The following CCDC77 variants were observed in gnomAD, a reference collection of about 807,000 sequenced individuals.
The protein encoded by CCDC77 is coiled-coil domain-containing protein 77.
Under a neutral mutation model 66.8 loss-of-function variants are expected in CCDC77, and 56 were observed. That is an observed-to-expected ratio of 0.84 (90% CI 0.68 to 1.05). The LOEUF (loss-of-function observed/expected upper bound fraction) is 1.05. Among genes scored for constraint, CCDC77 ranks in the 50% least tolerant of loss-of-function variants. The probability of loss-of-function intolerance (pLI) is 0.00; values close to 1 mark genes in which losing one functional copy is unlikely to be tolerated. For synonymous variants in CCDC77, 196 were observed against 195.2 expected, an observed-to-expected ratio of 1.00 and a Z score of -0.03; for missense variants, 570 against 576.8, an observed-to-expected ratio of 0.99 and a Z score of 0.12.
chr12:409,717 C>T (rs542068890), intron 3 of CCDC77: 17 of 271,748 alleles, frequency 6.3e-5, no homozygotes, highest in Admixed American at 9.8e-5. Context: ...AAATGTTGGC[C>T]GGGCACGGTG....
chr12:413,676 G>A (rs1366026477), intron 4 of CCDC77, among the ~76,000 whole-genome samples: 2 of 144,594 alleles, frequency 1.4e-5, no homozygotes, highest in Non-Finnish European at 3.0e-5. Flanking sequence ...CGCCCAGGCT[G>A]GAGTGCAGTG....
chr12:426,098 C>T (rs1460968056), intron 5 of CCDC77, among the ~76,000 whole-genome samples: 1 of 152,116 alleles, frequency 6.6e-6, no homozygotes, highest in Non-Finnish European at 1.5e-5. Context: ...CTCCCGACCT[C>T]GTGGTCCACC....
At chr12:412,043 A>ATTTAT (rs1312137973) in intron 4 of CCDC77, 65 bp downstream of exon 4, 1 of 1,180,252 alleles carries the variant, frequency 8.5e-7, no homozygotes, top group Non-Finnish European at 1.2e-6. Context: ...GATGCCCTAC[A>ATTTAT]AGTGCCAGTT....
chr12:438,230 T>G, intron 9 of CCDC77, 105 bp from the exon 10 acceptor site: 1 of 777,984 alleles, frequency 1.3e-6, no homozygotes, highest in Non-Finnish European at 2.1e-6. Flanking sequence ...AATTTATATA[T>G]CACACCATTT....
intron 1 of CCDC77, among the ~76,000 whole-genome samples, chr12:404,786 G>A (rs192807249): frequency 1.3e-5 from 2 of 150,258 alleles, no homozygotes; most frequent in East Asian, 2.0e-4. Context: ...GTAATGGCGC[G>A]ATCTTGGCTC....
chr12:406,153 A>G (rs371769336), intron 2 of CCDC77, among the ~76,000 whole-genome samples: 1 of 152,122 alleles, frequency 6.6e-6, no homozygotes, highest in African/African-American at 2.4e-5. Flanking sequence ...CAAGCAGTCT[A>G]TCCGCCTTGG....
At chr12:416,439 C>T (rs1474344069) in intron 4 of CCDC77, among the ~76,000 whole-genome samples, 2 of 107,624 alleles carry the variant, frequency 1.9e-5, no homozygotes, top group East Asian at 2.7e-4. Context: ...TTTTTGGAGG[C>T]AGTCTGGCTC....
chr12:437,744 G>A (rs1457057020), intron 9 of CCDC77, among the ~76,000 whole-genome samples: 2 of 151,316 alleles, frequency 1.3e-5, no homozygotes, highest in South Asian at 2.1e-4. Flanking sequence ...TGCTTAGGAG[G>A]CTGAGACAGA....
chr12:408,563 C>G (rs1284890513), intron 2 of CCDC77, among the ~76,000 whole-genome samples: 2 of 152,032 alleles, frequency 1.3e-5, no homozygotes, highest in African/African-American at 4.8e-5. Flanking sequence ...CAGGGGAAGT[C>G]AATATGTTGG....
intron 12 of CCDC77, 148 bp from the exon 13 acceptor site, chr12:441,626 G>T: frequency 2.6e-6 from 2 of 776,082 alleles, no homozygotes; most frequent in South Asian, 4.2e-5. Flanking sequence ...TCCTTCTTTA[G>T]TTAGCCACTG....
At chr12:427,466 A>C (rs1234517738) in intron 5 of CCDC77, among the ~76,000 whole-genome samples, 1 of 145,596 alleles carries the variant, frequency 6.9e-6, no homozygotes, top group African/African-American at 2.5e-5. Context: ...TGTTTTTTTT[A>C]ATTAATTAAT....
chr12:408,146 T>G (rs1945035177), intron 2 of CCDC77, among the ~76,000 whole-genome samples: 1 of 152,146 alleles, frequency 6.6e-6, no homozygotes, highest in Non-Finnish European at 1.5e-5. Context: ...GAACATCATC[T>G]GACTTGCTCA....
chr12:407,782 A>ATTTTTTTTTTTTTTT, intron 2 of CCDC77, among the ~76,000 whole-genome samples: 1 of 100,436 alleles, frequency 1.0e-5, no homozygotes, highest in Non-Finnish European at 1.8e-5. Context: ...AGGACTGAAG[A>ATTTTTTTTTTTTTTT]TTTTTTTTTT....
chr12:390,987 A>C (rs982576794), intron 1 of CCDC77, among the ~76,000 whole-genome samples: 8 of 152,224 alleles, frequency 5.3e-5, no homozygotes, highest in African/African-American at 1.9e-4. Flanking sequence ...CTAGACTCCA[A>C]AATGTACAAG....
intron 4 of CCDC77, among the ~76,000 whole-genome samples, chr12:417,902 A>C (rs1360102565): frequency 1.4e-5 from 2 of 146,278 alleles, no homozygotes; most frequent in African/African-American, 5.0e-5. Context: ...ACTCTGTCTC[A>C]AAAAAAAAAA....
Position 441,837 on chromosome 12 carries a change from A to T in CCDC77, c.1384A>T (p.Arg462Ter). 6.2e-7 allele frequency: 1 copy of T among 1,613,616 alleles called. No homozygotes were observed. Among genetic ancestry groups the T allele is most frequent in the African/African-American group, 1.3e-5 (1 of 74,794 alleles). ...ALLCEVRDSNRRAHKIQGELK... is the reference protein window; with the variant it reads ...ALLCEVRDSN The stretch of plus-strand genomic sequence containing the variant: ...TCTGTGTGAGGTCCGTGACAGCAAT[A>T]GACGGGCACATAAGATACAAGGAGA... The change falls in exon 13 of 13, where the codon AGA (arginine) becomes TGA (stop). Residue 462 changes from arginine to a stop codon, truncating the protein, a stop_gained. Coordinates refer to ENST00000239830, the MANE Select transcript of CCDC77 (RefSeq NM_032358.4). LOFTEE classifies it high-confidence loss of function.
intron 5 of CCDC77, among the ~76,000 whole-genome samples, chr12:422,797 A>T (rs575576618): frequency 7.2e-5 from 11 of 152,254 alleles, no homozygotes; most frequent in African/African-American, 2.4e-4. Context: ...TAATTTCTGT[A>T]GAGACAGGGT....
chr12:397,409 T>G (rs1944842485), upstream of CCDC77, among the ~76,000 whole-genome samples: 1 of 152,092 alleles, frequency 6.6e-6, no homozygotes. Flanking sequence ...TTAATGTAAT[T>G]AACAGAGAAA....
At chr12:391,327 C>T (rs1368576038) in intron 1 of CCDC77, among the ~76,000 whole-genome samples, 1 of 152,018 alleles carries the variant, frequency 6.6e-6, no homozygotes, top group African/African-American at 2.4e-5. Context: ...TGGTGGCAGG[C>T]GCCTGTAATC....
Sources: gnomAD v4.1 joint callset for allele counts (sites outside exome capture counted in the v4.1 genomes callset) on GRCh38, gnomAD v4.1.1 for gene constraint, MANE v1.5 for transcripts, NCBI Gene and HGNC (gene_info 2026-07-23, HGNC 2026-07-21) for gene names.